The following MAP2K5 variants were observed in gnomAD, a reference collection of about 807,000 sequenced individuals.
MAP2K5 encodes the protein dual specificity mitogen-activated protein kinase kinase 5.
MAP2K5 carries 49 observed loss-of-function variants against 83.1 expected under a neutral mutation model. The ratio of observed to expected loss-of-function variants is 0.59; its 90% CI spans 0.47 to 0.75. MAP2K5 has a LOEUF of 0.75. Among genes scored for constraint, MAP2K5 ranks in the 30% least tolerant of loss-of-function variants. MAP2K5 has a pLI of 0.00. For missense variants in MAP2K5, 457 were observed against 557.5 expected, an observed-to-expected ratio of 0.82 and a Z score of 1.82; for synonymous variants, 202 against 191.8, an observed-to-expected ratio of 1.05 and a Z score of -0.44.
At chr15:67,659,661 C>T (rs1323396858) in intron 12 of MAP2K5, among the ~76,000 whole-genome samples, 2 of 151,926 alleles carry the variant, frequency 1.3e-5, no homozygotes, top group African/African-American at 4.8e-5. Context: ...AGAATGAATG[C>T]TTTGTGGCTT....
chr15:67,691,332 T>G (rs1464705072), intron 13 of MAP2K5, among the ~76,000 whole-genome samples: 1 of 152,202 alleles, frequency 6.6e-6, no homozygotes, highest in Non-Finnish European at 1.5e-5. Context: ...AATGAGCTAA[T>G]GTATAAGAAA....
chr15:67,678,587 A>C lies in MAP2K5; in HGVS notation c.848-13892A>C, dbSNP rs147883714. 3.9e-4 allele frequency among the ~76,000 whole-genome samples: 60 copies of C among 152,370 alleles called. 1 individual carries two copies. In the East Asian group the frequency reaches 0.01, roughly 25 times the overall value. ...CTGATGTGAATAGGTCACAACAAAAAGGGAATCCTCAATTGGTATGGTTTT... is the reference window on the plus strand; with the variant it reads ...CTGATGTGAATAGGTCACAACAAAACGGGAATCCTCAATTGGTATGGTTTT... On this transcript the variant is annotated intron_variant, in intron 13 of 21. Transcript: ENST00000178640.
chr15:67,671,511 A>C (rs1367083773), intron 13 of MAP2K5, among the ~76,000 whole-genome samples: 2 of 152,194 alleles, frequency 1.3e-5, no homozygotes, highest in African/African-American at 4.8e-5. Flanking sequence ...AACCAGACTC[A>C]TGTTATCAAA....
chr15:67,806,830 T>A lies in MAP2K5; in HGVS notation c.*80T>A. ...CCGTCGCCCTTCTCCGTATGCTGCC[T>A]GCGCCAGAAGAGCTTTGCTGGGCCC... On this transcript the variant is annotated 3_prime_UTR_variant, in exon 22 of 22. Coordinates refer to ENST00000178640, the MANE Select transcript of MAP2K5 (RefSeq NM_145160.3). The A allele has an allele frequency of 6.3e-7, 1 of 1,597,762 alleles. No homozygotes were observed. The highest frequency in any genetic ancestry group is 8.5e-7 in the Non-Finnish European group (1 of 1,179,248).
intron 16 of MAP2K5, among the ~76,000 whole-genome samples, chr15:67,711,616 A>G (rs991883665): frequency 2.0e-5 from 3 of 152,144 alleles, no homozygotes; most frequent in Non-Finnish European, 2.9e-5. Flanking sequence ...TTTCACCTCA[A>G]CCTCCACTAA....
chr15:67,714,799 A>G (rs958367902), intron 16 of MAP2K5, among the ~76,000 whole-genome samples: 2 of 152,140 alleles, frequency 1.3e-5, no homozygotes, highest in Non-Finnish European at 2.9e-5. Context: ...CACTAATGGG[A>G]GCATTTAGGA....
Position 67,782,911 on chromosome 15 carries a change from C to G in MAP2K5, c.1242+10159C>G, listed in dbSNP as rs76488680. 0.04 allele frequency among the ~76,000 whole-genome samples: 6,143 copies of G among 152,300 alleles called. 420 individuals carry two copies. The highest frequency in any genetic ancestry group is 0.14 in the African/African-American group (5,850 of 41,530). On this transcript the variant is annotated intron_variant, in intron 21 of 21. Transcript: ENST00000178640. This position sits in a 1 kb window ranked among gnomAD's most constrained non-coding sequence, Gnocchi z 4.9. ...CTCCTTCCTGCCTTCAGAAACGGCC[C>G]CCTTTTCAGCTCTCCTGTGCAGGCA...
intron 16 of MAP2K5, among the ~76,000 whole-genome samples, chr15:67,726,511 G>A (rs961558940): frequency 2.6e-5 from 4 of 152,182 alleles, no homozygotes; most frequent in African/African-American, 9.6e-5. Flanking sequence ...TCTGTTAATT[G>A]AAATAATTCT....
Position 67,549,309 on chromosome 15 carries a change from C to A in MAP2K5, c.136-725C>A, listed in dbSNP as rs565406530. ...TTAAGCATTGATGTCAGATTATATACCCTTTTTAGATTTTTGTTGTAGGCT... is the reference window on the plus strand; with the variant it reads ...TTAAGCATTGATGTCAGATTATATAACCTTTTTAGATTTTTGTTGTAGGCT... On this transcript the variant is annotated intron_variant, in intron 1 of 21. Transcript: ENST00000178640. 48 of 1,016,798 alleles carry A rather than the reference C, an allele frequency of 4.7e-5. 1 individual carries two copies. The South Asian group carries it at 5.5e-4, about 12-fold the overall frequency. 63.0% of individuals were successfully genotyped at this position (1,016,798 alleles called of 1,614,324 possible). A position where few individuals can be genotyped will look rare whatever the true frequency, so the allele number is the denominator to read the frequency against.
intron 8 of MAP2K5, chr15:67,629,125 G>GTGGC: frequency 1.4e-6 from 1 of 731,100 alleles, no homozygotes; most frequent in Non-Finnish European, 2.5e-6. Context: ...GGCAGTGGCA[G>GTGGC]AAGATTTTAA....
chr15:67,773,245 C>A (rs2090175682), intron 21 of MAP2K5, among the ~76,000 whole-genome samples: 1 of 152,122 alleles, frequency 6.6e-6, no homozygotes, highest in Admixed American at 6.5e-5. Flanking sequence ...GCTGTGTTCT[C>A]AGCTCCAAGG....
chr15:67,738,013 G>A lies in MAP2K5; in HGVS notation c.1074+10068G>A, dbSNP rs1271228024. ...ATTATAGGAGTGCATCACCATACCCGGCTAATTTTTGTATTTTTAATAGAG... is the reference window on the plus strand; with the variant it reads ...ATTATAGGAGTGCATCACCATACCCAGCTAATTTTTGTATTTTTAATAGAG... On this transcript the variant is annotated intron_variant, in intron 17 of 21. Transcript: ENST00000178640. The surrounding 1 kb of genome is among the most constrained non-coding windows in gnomAD (Gnocchi z 4.1). Among the ~76,000 whole-genome samples, 2 of 151,730 alleles carry A rather than the reference G, an allele frequency of 1.3e-5. No homozygotes were observed. The highest frequency in any genetic ancestry group is 1.9e-4 in the East Asian group (1 of 5,158).
At position 67,564,405 on chromosome 15, in the gene MAP2K5, G is replaced by C. The variant is rs2583571; in HGVS notation, c.252+1055G>C. Among the ~76,000 whole-genome samples the C allele has an allele frequency of 7.3e-3, 1,109 of 152,282 alleles. 11 individuals carry two copies. Among genetic ancestry groups the C allele is most frequent in the African/African-American group, 0.024 (979 of 41,562 alleles). On this transcript the variant is annotated intron_variant, in intron 3 of 21. Transcript: ENST00000178640. ...GCTTTTCACTGAGACCCTAATCTTA[G>C]TCAACAGTTAGGTTGTAGGTTTTTG...
At chr15:67,603,980 G>T (rs1357241191) in intron 8 of MAP2K5, among the ~76,000 whole-genome samples, 1 of 152,174 alleles carries the variant, frequency 6.6e-6, no homozygotes, top group African/African-American at 2.4e-5. Flanking sequence ...GTTTAATAAT[G>T]CAGTCTTATT....
intron 21 of MAP2K5, among the ~76,000 whole-genome samples, chr15:67,788,949 G>A (rs1266152972): frequency 6.8e-6 from 1 of 146,102 alleles, no homozygotes; most frequent in African/African-American, 2.5e-5. Flanking sequence ...TCCAGCATGG[G>A]TGACAGAGAG....
intron 3 of MAP2K5, among the ~76,000 whole-genome samples, chr15:67,571,116 CCT>C (rs1354727335): frequency 1.3e-5 from 2 of 152,118 alleles, no homozygotes; most frequent in Non-Finnish European, 2.9e-5. Flanking sequence ...ACATTTGTGC[CCT>C]GTCTGTAATG....
chr15:67,755,028 G>A lies in MAP2K5; in HGVS notation c.1134+6427G>A, dbSNP rs1484912466. Among the ~76,000 whole-genome samples the A allele has an allele frequency of 7.2e-5, 11 of 152,284 alleles. No individual in the cohort carries two copies. The East Asian group carries it at 2.1e-3, about 29-fold the overall frequency. On this transcript the variant is annotated intron_variant, in intron 19 of 21. Coordinates refer to ENST00000178640, the MANE Select transcript of MAP2K5 (RefSeq NM_145160.3). This position sits in a 1 kb window ranked among gnomAD's most constrained non-coding sequence, Gnocchi z 4.7. ...GCTCTGTTTGCCCAGGCTAGAGTGT[G>A]CAGTGGCACAATCTTGGCTCACTGC...
At position 67,559,296 on chromosome 15, in the gene MAP2K5, G is replaced by A. The variant is rs1273603600; in HGVS notation, c.185-3987G>A. ...AGAAGCTAGATTGTTTCTCTTGAAA[G>A]CCTTCTTGAGCCCCTGTCACTGCAG... On this transcript the variant is annotated intron_variant, in intron 2 of 21. Transcript: ENST00000178640. The surrounding 1 kb of genome is among the most constrained non-coding windows in gnomAD (Gnocchi z 4.7). 6.6e-6 allele frequency among the ~76,000 whole-genome samples: 1 copy of A among 152,160 alleles called. No individual in the cohort carries two copies. Among genetic ancestry groups the A allele is most frequent in the Non-Finnish European group, 1.5e-5 (1 of 68,030 alleles).
At position 67,757,600 on chromosome 15, in the gene MAP2K5, T is replaced by C. The variant is rs1454469201; in HGVS notation, c.1134+8999T>C. On this transcript the variant is annotated intron_variant, in intron 19 of 21. Transcript: ENST00000178640. This position sits in a 1 kb window ranked among gnomAD's most constrained non-coding sequence, Gnocchi z 4.9. ...AGAGCTCGGTACCGGGGATAGAGAA[T>C]GAATAAGATGCTCTTTCCACCATTA... 6.6e-6 allele frequency among the ~76,000 whole-genome samples: 1 copy of C among 152,158 alleles called. No homozygotes were observed. The highest frequency in any genetic ancestry group is 1.5e-5 in the Non-Finnish European group (1 of 68,030).
Sources: gnomAD v4.1 joint callset for allele counts (sites outside exome capture counted in the v4.1 genomes callset) on GRCh38, gnomAD v4.1.1 for gene constraint, Gnocchi (gnomAD v3.1) non-coding constraint, MANE v1.5 for transcripts, NCBI Gene and HGNC (gene_info 2026-07-23, HGNC 2026-07-21) for gene names.